Variants in UNC5D observed in about 807,000 individuals in gnomAD.
UNC5D encodes netrin receptor UNC5D.
In UNC5D, 39 loss-of-function variants were observed where a neutral mutation model predicts 105.4. The ratio of observed to expected loss-of-function variants is 0.37; its 90% CI spans 0.29 to 0.48. The LOEUF is 0.48. UNC5D is among the 20% of genes least tolerant of loss of function. The pLI is 0.98. For missense variants in UNC5D, 991 were observed against 1,202.4 expected (o/e 0.82, Z 2.60); for synonymous variants, 452 against 450.4 (o/e 1.00, Z -0.04).
At chr8:35,362,725 C>G (rs1021182173) in intron 1 of UNC5D, among the ~76,000 whole-genome samples, 3 of 152,140 alleles carry the variant, frequency 2.0e-5, no homozygotes, top group African/African-American at 7.2e-5. Flanking sequence ...ATATAATACT[C>G]TTTTCTAATT....
chr8:35,731,481 G>C (rs1202063572), intron 11 of UNC5D, among the ~76,000 whole-genome samples: 1 of 140,842 alleles, frequency 7.1e-6, no homozygotes, highest in Non-Finnish European at 1.5e-5. Context: ...AAACTATTAA[G>C]AGAATGAGAC....
intron 1 of UNC5D, among the ~76,000 whole-genome samples, chr8:35,375,034 A>G (rs1802620810): frequency 6.6e-6 from 1 of 152,208 alleles, no homozygotes; most frequent in South Asian, 2.1e-4. Context: ...ATATAATAGA[A>G]AAGTGGACTT....
intron 4 of UNC5D, among the ~76,000 whole-genome samples, chr8:35,614,021 A>T (rs1159527636): frequency 6.6e-6 from 1 of 152,118 alleles, no homozygotes; most frequent in Non-Finnish European, 1.5e-5. Context: ...AAGAGGGAGG[A>T]CCCCAAAGTT....
intron 4 of UNC5D, among the ~76,000 whole-genome samples, chr8:35,683,007 AAATTT>A (rs916942118): frequency 1.3e-5 from 2 of 152,194 alleles, no homozygotes; most frequent in Admixed American, 6.5e-5. Context: ...ACTGAGCTTT[AAATTT>A]AATTTATCTG....
chr8:35,269,554 C>T (rs1158319012), intron 1 of UNC5D, among the ~76,000 whole-genome samples: 2 of 152,240 alleles, frequency 1.3e-5, no homozygotes, highest in South Asian at 2.1e-4. Flanking sequence ...TAAGTTTTCT[C>T]GTTTATCTTT....
chr8:35,376,349 T>A (rs912111146), intron 1 of UNC5D, among the ~76,000 whole-genome samples: 3 of 152,148 alleles, frequency 2.0e-5, no homozygotes, highest in African/African-American at 4.8e-5. Flanking sequence ...CAGAGAGAAT[T>A]TTTACAGAAT....
At chr8:35,420,617 C>G in intron 1 of UNC5D, among the ~76,000 whole-genome samples, 1 of 152,164 alleles carries the variant, frequency 6.6e-6, no homozygotes. Context: ...ACACCAGTTC[C>G]CTCTAGGAAG....
chr8:35,643,789 T>G (rs967317642), intron 4 of UNC5D, among the ~76,000 whole-genome samples: 2 of 152,142 alleles, frequency 1.3e-5, no homozygotes, highest in African/African-American at 4.8e-5. Flanking sequence ...GGAAGGACAA[T>G]GGAGTAGGCG....
chr8:35,402,919 G>A (rs547492797), intron 1 of UNC5D, among the ~76,000 whole-genome samples: 3 of 152,214 alleles, frequency 2.0e-5, no homozygotes, highest in African/African-American at 7.2e-5. Flanking sequence ...ATCTGGTGCT[G>A]CCCCACTCTT....
intron 4 of UNC5D, among the ~76,000 whole-genome samples, chr8:35,621,296 G>C (rs575486625): frequency 6.6e-6 from 1 of 152,100 alleles, no homozygotes; most frequent in African/African-American, 2.4e-5. Context: ...CTGTGAGCCC[G>C]GGATCACAGT....
intron 14 of UNC5D, among the ~76,000 whole-genome samples, chr8:35,765,637 A>G (rs1801731438): frequency 6.6e-6 from 1 of 152,200 alleles, no homozygotes; most frequent in South Asian, 2.1e-4. Flanking sequence ...TCTATAGAGA[A>G]AATTAGGAAG....
Position 35,468,444 on chromosome 8 carries a change from T to C in UNC5D, c.104-80848T>C, listed in dbSNP as rs180859666. Among the ~76,000 whole-genome samples the C allele has an allele frequency of 3.3e-5, 5 of 152,324 alleles. No homozygotes were observed. The East Asian group carries it at 9.6e-4, about 29-fold the overall frequency. On this transcript the variant is annotated intron_variant, in intron 1 of 16. Transcript: ENST00000404895. ...TAAAGGAGAAATTAGTTGTCAAATG[T>C]GGACATTCAGTTCCCAGCTATCTAT...
At chr8:35,624,768 C>T (rs1423180001) in intron 4 of UNC5D, among the ~76,000 whole-genome samples, 1 of 152,048 alleles carries the variant, frequency 6.6e-6, no homozygotes, top group Admixed American at 6.6e-5. Context: ...GAAACTTAAC[C>T]GGGGGCGTCT....
chr8:35,336,989 A>G (rs997133967), intron 1 of UNC5D, among the ~76,000 whole-genome samples: 1 of 152,072 alleles, frequency 6.6e-6, no homozygotes, highest in Non-Finnish European at 1.5e-5. Flanking sequence ...CAGGACTATC[A>G]TTTGTATTTT....
Position 35,769,325 on chromosome 8 carries a change from C to T in UNC5D, c.2478+2259C>T, listed in dbSNP as rs1426981378. ...ACTCCACTACACTACTTCTGGACCCCAGTCAAGGCCATCTAATGGATTAGC... is the reference window on the plus strand; with the variant it reads ...ACTCCACTACACTACTTCTGGACCCTAGTCAAGGCCATCTAATGGATTAGC... On this transcript the variant is annotated intron_variant, in intron 15 of 16. Transcript: ENST00000404895. Among the ~76,000 whole-genome samples, 6 of 152,290 alleles carry T rather than the reference C, an allele frequency of 3.9e-5. 1 individual carries two copies. In the South Asian group the frequency reaches 8.3e-4, roughly 21 times the overall value.
intron 4 of UNC5D, among the ~76,000 whole-genome samples, chr8:35,626,432 AGCTATAT>A (rs1164837211): frequency 6.6e-6 from 1 of 152,216 alleles, no homozygotes; most frequent in Non-Finnish European, 1.5e-5. Flanking sequence ...CTCTCTGATT[AGCTATAT>A]GCATATATGA....
intron 4 of UNC5D, among the ~76,000 whole-genome samples, chr8:35,663,047 C>T (rs1479109952): frequency 6.6e-6 from 1 of 152,168 alleles, no homozygotes; most frequent in East Asian, 1.9e-4. Flanking sequence ...CCCCCACTTC[C>T]CCCACCCCAG....
chr8:35,726,677 C>T, intron 10 of UNC5D, 148 bp downstream of exon 10: 2 of 1,218,434 alleles, frequency 1.6e-6, no homozygotes, highest in Non-Finnish European at 2.3e-6. Flanking sequence ...ACTTGATTTA[C>T]ACAGCAAACC....
chr8:35,470,807 T>TAAATAAATAAATAAAATA (rs1554538816), intron 1 of UNC5D, among the ~76,000 whole-genome samples: 5 of 130,506 alleles, frequency 3.8e-5, no homozygotes, highest in African/African-American at 1.4e-4. Context: ...AATAAATAAA[T>TAAATAAATAAATAAAATA]AAATAAAATA....
Sources: allele counts gnomAD v4.1 joint callset (sites outside exome capture counted in the v4.1 genomes callset), GRCh38; gene constraint gnomAD v4.1.1; transcripts MANE v1.5; gene names NCBI Gene and HGNC (gene_info 2026-07-23, HGNC 2026-07-21).